Variants in CNKSR2 observed in about 807,000 individuals in gnomAD.
The protein encoded by CNKSR2 is connector enhancer of kinase suppressor of Ras 2.
Under a neutral mutation model 84.4 loss-of-function variants are expected in CNKSR2, and 14 were observed. That is an observed-to-expected ratio of 0.17 (90% CI 0.11 to 0.26). The LOEUF (loss-of-function observed/expected upper bound fraction) is 0.26, where lower values mean the gene tolerates loss of function less well. CNKSR2 is among the 10% of genes least tolerant of loss of function. The probability of loss-of-function intolerance (pLI) is 1.00; values close to 1 mark genes in which losing one functional copy is unlikely to be tolerated. For missense variants in CNKSR2, 485 were observed against 771.2 expected, an observed-to-expected ratio of 0.63 and a Z score of 4.40; for synonymous variants, 275 against 277.9, an observed-to-expected ratio of 0.99 and a Z score of 0.10.
intron 11 of CNKSR2, among the ~76,000 whole-genome samples, chrX:21,552,707 G>C (rs935652627): frequency 8.9e-6 from 1 of 111,803 alleles, no homozygotes; most frequent in Non-Finnish European, 1.9e-5. Flanking sequence ...TCTTATTTAT[G>C]ATGAAAGTTC....
rs185066767 is a variant in CNKSR2 at position 21,532,061 on chromosome X, A to G, written c.1297A>G (p.Thr433Ala). The stretch of plus-strand genomic sequence containing the variant: ...TCAAGGAAGACGAGAAAGCACCCCA[A>G]CTTATGGTAAGAGTTCTTCTTTTAT... Reference protein sequence around the residue: ...SSQGRRESTPTYGKLRPISMP... With the variant: ...SSQGRRESTPAYGKLRPISMP... The change falls in exon 11 of 22, where the codon ACT becomes GCT. Residue 433 changes from threonine to alanine, a missense_variant. By Grantham distance (58) the Thr-to-Ala change is moderately conservative (BLOSUM62 0). Transcript: ENST00000379510. 2.1e-5 allele frequency: 24 copies of G among 1,169,681 alleles called. No individual in the cohort carries two copies. The East Asian group carries it at 6.3e-4, about 31-fold the overall frequency.
chrX:21,500,581 T>A (rs1337922659), intron 7 of CNKSR2, among the ~76,000 whole-genome samples: 1 of 111,187 alleles, frequency 9.0e-6, no homozygotes, highest in Non-Finnish European at 1.9e-5. Context: ...TTAAAATGCA[T>A]ATAATCAATA....
At chrX:21,409,960 A>G (rs1169369563) in intron 1 of CNKSR2, among the ~76,000 whole-genome samples, 1 of 110,754 alleles carries the variant, frequency 9.0e-6, no homozygotes, top group Non-Finnish European at 1.9e-5. Context: ...ATCATTATAT[A>G]TTTTCTAATT....
intron 13 of CNKSR2, among the ~76,000 whole-genome samples, chrX:21,585,485 A>ATGGAT (rs1309458993): frequency 9.2e-6 from 1 of 108,775 alleles, no homozygotes; most frequent in Non-Finnish European, 1.9e-5. Context: ...AAACTTGCTG[A>ATGGAT]TGGATTGGCT....
intron 11 of CNKSR2, among the ~76,000 whole-genome samples, chrX:21,550,405 A>G (rs1280776072): frequency 2.7e-5 from 3 of 112,341 alleles, no homozygotes; most frequent in African/African-American, 9.7e-5. Context: ...ATCATTAAAA[A>G]GTCAGGAAAC....
chrX:21,636,912 A>C (rs761046054), intron 20 of CNKSR2, among the ~76,000 whole-genome samples: 1 of 111,671 alleles, frequency 9.0e-6, no homozygotes, highest in South Asian at 3.7e-4. Flanking sequence ...CGACATTTGC[A>C]ATGACAGTAT....
intron 20 of CNKSR2, among the ~76,000 whole-genome samples, chrX:21,636,555 A>G (rs1232765114): frequency 9.0e-6 from 1 of 111,582 alleles, no homozygotes; most frequent in Non-Finnish European, 1.9e-5. Context: ...GGTTATTTTT[A>G]CTAAACTTGT....
chrX:21,525,449 T>C (rs910667625), intron 9 of CNKSR2, among the ~76,000 whole-genome samples: 1 of 111,216 alleles, frequency 9.0e-6, no homozygotes, highest in South Asian at 3.7e-4. Flanking sequence ...TATTGTAAAC[T>C]CCCAAATTAC....
intron 1 of CNKSR2, among the ~76,000 whole-genome samples, chrX:21,411,364 G>A (rs1359957049): frequency 8.9e-6 from 1 of 111,791 alleles, no homozygotes. Flanking sequence ...AAGATCATGT[G>A]TAGAAAAGCT....
intron 2 of CNKSR2, chrX:21,429,044 A>G (rs2090601243): frequency 8.9e-6 from 1 of 112,188 alleles, no homozygotes; most frequent in African/African-American, 3.2e-5. Flanking sequence ...GGTTAGTGAA[A>G]ATTTGCCACT....
intron 4 of CNKSR2, among the ~76,000 whole-genome samples, chrX:21,459,270 C>T (rs1418746924): frequency 1.8e-5 from 2 of 111,329 alleles, no homozygotes; most frequent in African/African-American, 3.3e-5. Flanking sequence ...GTGATTCACC[C>T]GCCTCGGCCT....
chrX:21,395,707 A>G (rs2090112016), intron 1 of CNKSR2, among the ~76,000 whole-genome samples: 1 of 111,729 alleles, frequency 9.0e-6, no homozygotes, highest in Non-Finnish European at 1.9e-5. Context: ...AAGCTTTTAA[A>G]TTCATGTTCA....
chrX:21,617,565 C>T (rs2092582654), intron 20 of CNKSR2, among the ~76,000 whole-genome samples: 1 of 111,838 alleles, frequency 8.9e-6, no homozygotes, highest in African/African-American at 3.2e-5. Flanking sequence ...AAGTTAACTA[C>T]TGTCGAAAGT....
intron 9 of CNKSR2, among the ~76,000 whole-genome samples, chrX:21,518,475 C>G (rs1018279130): frequency 6.3e-5 from 7 of 111,876 alleles, no homozygotes; most frequent in African/African-American, 2.3e-4. Flanking sequence ...CTTTTATAAT[C>G]TATTCCCCTG....
At chrX:21,404,153 A>G (rs1168500192) in intron 1 of CNKSR2, among the ~76,000 whole-genome samples, 2 of 111,845 alleles carry the variant, frequency 1.8e-5, no homozygotes, top group Non-Finnish European at 3.8e-5. Flanking sequence ...TGGGATCCAT[A>G]GAGGAGAGAT....
intron 15 of CNKSR2, chrX:21,591,923 A>G (rs913987443): frequency 1.8e-5 from 2 of 111,939 alleles, no homozygotes; most frequent in African/African-American, 6.5e-5. Flanking sequence ...TTTTAAAACA[A>G]TGATTTCTGC....
intron 1 of CNKSR2, among the ~76,000 whole-genome samples, chrX:21,411,565 C>T (rs139217165): frequency 0.013 from 1,395 of 110,885 alleles, 20 homozygotes; most frequent in African/African-American, 0.044. Flanking sequence ...TCTTTCAGTG[C>T]CTCATACTCT....
chrX:21,390,639 G>A (rs969844381), intron 1 of CNKSR2, among the ~76,000 whole-genome samples: 1 of 111,508 alleles, frequency 9.0e-6, no homozygotes, highest in African/African-American at 3.3e-5. Context: ...ATTACAATTC[G>A]ACCTGAGTTT....
intron 20 of CNKSR2, among the ~76,000 whole-genome samples, chrX:21,615,681 ATATAAT>A (rs1277142536): frequency 9.0e-6 from 1 of 111,650 alleles, no homozygotes; most frequent in Non-Finnish European, 1.9e-5. Context: ...TTATAGATTG[ATATAAT>A]TATATAGATT....
Sources: gnomAD v4.1 joint callset for allele counts (sites outside exome capture counted in the v4.1 genomes callset) on GRCh38, gnomAD v4.1.1 for gene constraint, MANE v1.5 for transcripts, NCBI Gene and HGNC (gene_info 2026-07-23, HGNC 2026-07-21) for gene names.